SLFN12L: variants seen among roughly 807,000 people sequenced by gnomAD.
SLFN12L encodes schlafen family member 12 like, also known as schlafen family member 12-like.
Under a neutral mutation model 34.8 loss-of-function variants are expected in SLFN12L, and 34 were observed. That is an observed-to-expected ratio of 0.98 (90% CI 0.74 to 1.30). The LOEUF (loss-of-function observed/expected upper bound fraction) is 1.30. SLFN12L is among the 50% of genes most tolerant of loss of function. The pLI is 0.00. For synonymous variants in SLFN12L, 259 were observed against 247.5 expected, an observed-to-expected ratio of 1.05 and a Z score of -0.44; for missense variants, 703 against 696.2, an observed-to-expected ratio of 1.01 and a Z score of -0.11.
At position 35,511,584 on chromosome 17, in the gene SLFN12L, T is replaced by TACACACACACACACAC. The variant is rs58683369; in HGVS notation, c.86+10679_86+10694dup. On this transcript the variant is annotated intron_variant, in intron 2 of 4. Coordinates refer to ENST00000628453, the MANE Select transcript of SLFN12L (RefSeq NM_001363830.2). ...GACCTCGTCTCTACACACACACACA[T>TACACACACACACACAC]ACACACACACACACACACACACACA... Among the ~76,000 whole-genome samples the TACACACACACACACAC allele has an allele frequency of 4.9e-4, 72 of 148,428 alleles. 1 individual carries two copies. The highest frequency in any genetic ancestry group is 1.7e-3 in the African/African-American group (67 of 39,918).
At chr17:35,535,678 T>A (rs2072454013) in intron 1 of SLFN12L, among the ~76,000 whole-genome samples, 1 of 151,850 alleles carries the variant, frequency 6.6e-6, no homozygotes, top group African/African-American at 2.4e-5. Flanking sequence ...GTTTTTGAGA[T>A]GGATTCTTGC....
chr17:35,513,055 G>A (rs1396661689), intron 2 of SLFN12L, among the ~76,000 whole-genome samples: 1 of 152,064 alleles, frequency 6.6e-6, no homozygotes, highest in Non-Finnish European at 1.5e-5. Context: ...TCACTGCCTG[G>A]TCAGTCACTG....
At chr17:35,475,812 A>G (rs1913975317) in intron 4 of SLFN12L, among the ~76,000 whole-genome samples, 1 of 152,010 alleles carries the variant, frequency 6.6e-6, no homozygotes, top group Non-Finnish European at 1.5e-5. Context: ...AGGTGGGAGG[A>G]TCACTTGAGC....
rs1915241496 is a variant in SLFN12L at position 35,500,190 on chromosome 17, T to C, written c.87-19995A>G. 2.0e-5 allele frequency: 3 copies of C among 152,376 alleles called. No individual in the cohort carries two copies. The South Asian group carries it at 6.2e-4, about 32-fold the overall frequency. The allele number at this position is 152,376 out of a possible 1,614,324, so 9.4% of individuals were successfully genotyped here. On this transcript the variant is annotated intron_variant, in intron 2 of 4. Coordinates refer to ENST00000628453, the MANE Select transcript of SLFN12L (RefSeq NM_001363830.2). ...GTCTGCGTCCAGTTAGTATGGCCTT[T>C]GAATTTTTGATTACTGCAACCGAGA... is the stretch of plus-strand genomic sequence containing the variant.
At chr17:35,490,480 A>C in intron 2 of SLFN12L, 1 of 969,870 alleles carries the variant, frequency 1.0e-6, no homozygotes, top group Non-Finnish European at 1.7e-6. Flanking sequence ...GATTTATGAT[A>C]TCACCAAAGC....
At chr17:35,524,005 G>A (rs2072308001) in intron 1 of SLFN12L, among the ~76,000 whole-genome samples, 1 of 152,156 alleles carries the variant, frequency 6.6e-6, no homozygotes, top group South Asian at 2.1e-4. Flanking sequence ...CCCTATTGTG[G>A]CAGTGGCAGA....
intron 2 of SLFN12L, among the ~76,000 whole-genome samples, chr17:35,485,168 T>C (rs917840766): frequency 1.3e-5 from 2 of 152,210 alleles, no homozygotes; most frequent in South Asian, 4.1e-4. Flanking sequence ...AAAAACCAAC[T>C]CTTTATTTTT....
At chr17:35,495,046 G>A (rs566657499) in intron 2 of SLFN12L, among the ~76,000 whole-genome samples, 4 of 151,828 alleles carry the variant, frequency 2.6e-5, no homozygotes, top group Non-Finnish European at 5.9e-5. Context: ...CTACAGGGGC[G>A]CCCCACCACA....
rs1459212706 is a variant in SLFN12L at position 35,471,134 on chromosome 17, G to A, written c.*3789C>T. On this transcript the variant is annotated 3_prime_UTR_variant, in exon 5 of 5. Coordinates refer to ENST00000628453, the MANE Select transcript of SLFN12L (RefSeq NM_001363830.2). ...GGGCAATAAACATATGTGTGCATGTGTCTTTTTTTTTTTTTTTCTGAGACA... is the reference window on the plus strand; with the variant it reads ...GGGCAATAAACATATGTGTGCATGTATCTTTTTTTTTTTTTTTCTGAGACA... Among the ~76,000 whole-genome samples the A allele has an allele frequency of 1.2e-5, 1 of 86,488 alleles. No homozygotes were observed. The highest frequency in any genetic ancestry group is 2.1e-5 in the Non-Finnish European group (1 of 47,884). The allele number at this position is 86,488 out of a possible 152,430, so 56.7% of individuals were successfully genotyped here. A position where few individuals can be genotyped will look rare whatever the true frequency, so the allele number is the denominator to read the frequency against.
chr17:35,505,572 T>G (rs8077695), intron 2 of SLFN12L, among the ~76,000 whole-genome samples: 141,055 of 152,270 alleles, frequency 0.93, 65,401 homozygotes, highest in East Asian at 1. Context: ...AACCATTGAG[T>G]TTTGCAACAC....
intron 2 of SLFN12L, among the ~76,000 whole-genome samples, chr17:35,493,446 TCA>T (rs1914921973): frequency 6.6e-6 from 1 of 152,214 alleles, no homozygotes; most frequent in African/African-American, 2.4e-5. Context: ...AAGACTGAGC[TCA>T]CCTGGCTAGA....
intron 2 of SLFN12L, among the ~76,000 whole-genome samples, chr17:35,521,158 A>T (rs1028469645): frequency 8.5e-5 from 13 of 152,200 alleles, no homozygotes; most frequent in African/African-American, 3.1e-4. Flanking sequence ...AGGTCTTCAA[A>T]AATAAAGTCT....
chr17:35,477,248 C>A (rs1914073669), intron 4 of SLFN12L, among the ~76,000 whole-genome samples: 1 of 152,108 alleles, frequency 6.6e-6, no homozygotes, highest in South Asian at 2.1e-4. Context: ...AATGAAATAG[C>A]CCCCTACATC....
At chr17:35,510,483 G>A (rs1246367317) in intron 2 of SLFN12L, among the ~76,000 whole-genome samples, 3 of 152,202 alleles carry the variant, frequency 2.0e-5, no homozygotes, top group African/African-American at 4.8e-5. Flanking sequence ...TTTATGTTAC[G>A]TGAAAGAAGC....
chr17:35,475,675 G>T (rs1913969745), intron 4 of SLFN12L, among the ~76,000 whole-genome samples, 190 bp from the exon 5 acceptor site: 1 of 152,074 alleles, frequency 6.6e-6, no homozygotes, highest in African/African-American at 2.4e-5. Context: ...GAGGCAGGAG[G>T]ATCACTTGTG....
chr17:35,506,635 C>A (rs2039095823), intron 2 of SLFN12L, among the ~76,000 whole-genome samples: 1 of 152,120 alleles, frequency 6.6e-6, no homozygotes, highest in Admixed American at 6.5e-5. Context: ...TGTGCCAGTA[C>A]CAGAAATTCC....
At chr17:35,506,006 C>T (rs1027533341) in intron 2 of SLFN12L, among the ~76,000 whole-genome samples, 1 of 152,124 alleles carries the variant, frequency 6.6e-6, no homozygotes, top group Non-Finnish European at 1.5e-5. Flanking sequence ...GTAAAAAGAA[C>T]TTGTTTGTAT....
chr17:35,494,955 G>A (rs979493203), intron 2 of SLFN12L, among the ~76,000 whole-genome samples: 6 of 151,418 alleles, frequency 4.0e-5, no homozygotes, highest in Non-Finnish European at 7.4e-5. Flanking sequence ...ACCCAGGCTG[G>A]AGTGCAGTGG....
chr17:35,504,285 G>C (rs1465040402), intron 2 of SLFN12L, among the ~76,000 whole-genome samples: 1 of 152,188 alleles, frequency 6.6e-6, no homozygotes, highest in African/African-American at 2.4e-5. Context: ...CCCCCCAGTA[G>C]AGAGTTTTTA....
Sources: allele counts gnomAD v4.1 joint callset (sites outside exome capture counted in the v4.1 genomes callset), GRCh38; gene constraint gnomAD v4.1.1; transcripts MANE v1.5; gene names NCBI Gene and HGNC (gene_info 2026-07-23, HGNC 2026-07-21).